The following PKHD1L1 variants were observed in gnomAD, a reference collection of about 807,000 sequenced individuals.
The protein encoded by PKHD1L1 is fibrocystin-L.
PKHD1L1 carries 434 observed loss-of-function variants against 462.9 expected under a neutral mutation model. The observed-to-expected ratio is 0.94, with a 90% CI of 0.87 to 1.02. PKHD1L1 has a LOEUF of 1.02. PKHD1L1 is among the 50% of genes least tolerant of loss of function. The probability of loss-of-function intolerance (pLI) is 0.00; values close to 1 mark genes in which losing one functional copy is unlikely to be tolerated. For synonymous variants in PKHD1L1, 1,781 were observed against 1,750.0 expected, an observed-to-expected ratio of 1.02 and a Z score of -0.44; for missense variants, 5,202 against 5,096.1, an observed-to-expected ratio of 1.02 and a Z score of -0.63.
At chr8:109,417,423 T>G (rs1814236388) in intron 21 of PKHD1L1, among the ~76,000 whole-genome samples, 1 of 152,200 alleles carries the variant, frequency 6.6e-6, no homozygotes, top group South Asian at 2.1e-4. Context: ...TTGATGGAGT[T>G]CATGGATTTT....
chr8:109,380,291 G>C (rs762876427), intron 2 of PKHD1L1, among the ~76,000 whole-genome samples: 28 of 151,898 alleles, frequency 1.8e-4, no homozygotes, highest in Non-Finnish European at 3.5e-4. Context: ...GATGGATTGT[G>C]CTTAATATGT....
intron 15 of PKHD1L1, 56 bp from the exon 16 acceptor site, chr8:109,404,938 GC>G (rs1813454595): frequency 8.1e-7 from 1 of 1,232,462 alleles, no homozygotes; most frequent in African/African-American, 1.5e-5. Flanking sequence ...GAATTATGAT[GC>G]TTTTAAGATA....
In PKHD1L1 at chr8:109,523,302, C is replaced by A. The variant is rs775237912; in HGVS notation, c.12400C>A (p.Gln4134Lys). ...RAILKDSNNN[Q>K]VNGLSGNTTI... The stretch of plus-strand genomic sequence containing the variant: ...CATACTCAAGGACTCCAATAATAAC[C>A]AAGTCAATGGCCTTAGTGGAAATAC... Residue 4134 changes from glutamine (Q) to lysine (K), a missense_variant, in exon 76 of 78, where the codon CAA becomes AAA. By Grantham distance (53) the Gln-to-Lys change is moderately conservative (BLOSUM62 1). This residue lies in a region of PKHD1L1 where 698 missense variants were observed against 736.3 expected (regional missense o/e 0.95). Coordinates refer to ENST00000378402, the MANE Select transcript of PKHD1L1 (RefSeq NM_177531.6). 3.3e-5 allele frequency: 53 copies of A among 1,611,424 alleles called. No individual in the cohort carries two copies. The highest frequency in any genetic ancestry group is 4.4e-5 in the Non-Finnish European group (52 of 1,178,482).
At chr8:109,502,951 C>T (rs560760800) in intron 67 of PKHD1L1, among the ~76,000 whole-genome samples, 10 of 152,244 alleles carry the variant, frequency 6.6e-5, no homozygotes, top group South Asian at 4.1e-4. Flanking sequence ...TGGTAATGGA[C>T]GGGAGTACAT....
chr8:109,387,221 C>A (rs1242005640), intron 6 of PKHD1L1, among the ~76,000 whole-genome samples: 1 of 152,084 alleles, frequency 6.6e-6, no homozygotes, highest in African/African-American at 2.4e-5. Context: ...CAAATTCAGA[C>A]CAGGTAGAAA....
intron 52 of PKHD1L1, 89 bp from the exon 53 acceptor site, chr8:109,477,136 A>G: frequency 7.7e-7 from 1 of 1,295,070 alleles, no homozygotes; most frequent in Non-Finnish European, 1.1e-6. Context: ...TTACTACCTA[A>G]AGAACATTTT....
At chr8:109,470,713 G>T in intron 50 of PKHD1L1, 1 of 1,578,282 alleles carries the variant, frequency 6.3e-7, no homozygotes, top group Non-Finnish European at 8.7e-7. Context: ...GGTTCAATTA[G>T]AAGCCTTGTA....
In PKHD1L1 at chr8:109,425,210, A is replaced by C. The variant is rs745498146; in HGVS notation, c.2823A>C (p.Gln941His). 2 of 1,605,838 alleles carry C rather than the reference A, an allele frequency of 1.2e-6. No individual in the cohort carries two copies. The highest frequency in any genetic ancestry group is 1.7e-6 in the Non-Finnish European group (2 of 1,177,320). The change falls in exon 24 of 78, where the codon CAA (glutamine) becomes CAC (histidine). Residue 941 changes from glutamine (Q) to histidine (H), a missense_variant. Coordinates refer to ENST00000378402, the MANE Select transcript of PKHD1L1 (RefSeq NM_177531.6). Reference sequence around the variant, plus strand: ...CTCTAAGTGGCAGCTTTGACATTCAAGCTTATGGACATATTCTTAAAGGTA... The same window carrying C: ...CTCTAAGTGGCAGCTTTGACATTCACGCTTATGGACATATTCTTAAAGGTA... ...SPPLSGSFDI[Q>H]AYGHILKGLP...
At chr8:109,495,237 A>G (rs898858913) in intron 63 of PKHD1L1, among the ~76,000 whole-genome samples, 2 of 152,082 alleles carry the variant, frequency 1.3e-5, no homozygotes, top group African/African-American at 4.8e-5. Flanking sequence ...TTTAGTTCCC[A>G]ACCACTTAAA....
chr8:109,413,607 G>A, intron 21 of PKHD1L1, 62 bp downstream of exon 21: 1 of 1,290,496 alleles, frequency 7.7e-7, no homozygotes, highest in Non-Finnish European at 1.0e-6. Flanking sequence ...ACAAAGATAA[G>A]ACAAATCCAT....
intron 9 of PKHD1L1, among the ~76,000 whole-genome samples, chr8:109,391,593 G>A (rs778626837): frequency 3.3e-5 from 5 of 152,104 alleles, no homozygotes; most frequent in Non-Finnish European, 7.4e-5. Flanking sequence ...TTGAGAAAGC[G>A]AGTTGACAGA....
chr8:109,366,007 AT>A (rs1327552351), intron 2 of PKHD1L1, among the ~76,000 whole-genome samples: 1 of 152,000 alleles, frequency 6.6e-6, no homozygotes, highest in Non-Finnish European at 1.5e-5. Context: ...ACACCCAGCC[AT>A]TTTCTTCTGT....
intron 71 of PKHD1L1, 81 bp downstream of exon 71, chr8:109,511,015 C>T: frequency 6.9e-7 from 1 of 1,450,980 alleles, no homozygotes. Context: ...ACCTCCTCCC[C>T]TGTTCTAACA....
intron 46 of PKHD1L1, 116 bp downstream of exon 46, chr8:109,456,507 A>G (rs1005191023): frequency 1.5e-5 from 16 of 1,051,074 alleles, no homozygotes; most frequent in Admixed American, 3.5e-5. Flanking sequence ...AATCTCTAAT[A>G]AAGAAATATG....
chr8:109,487,686 T>C (rs1480934680), intron 59 of PKHD1L1, among the ~76,000 whole-genome samples: 2 of 151,790 alleles, frequency 1.3e-5, no homozygotes, highest in Non-Finnish European at 1.5e-5. Flanking sequence ...TATGCCTAGG[T>C]GATTTAAAAC....
At chr8:109,435,112 A>G (rs928170840) in intron 28 of PKHD1L1, 78 bp from the exon 29 acceptor site, 1 of 1,448,438 alleles carries the variant, frequency 6.9e-7, no homozygotes, top group Admixed American at 1.9e-5. Flanking sequence ...GGCCAATGTT[A>G]GTATTTGCAA....
rs142901661 is a variant in PKHD1L1 at position 109,431,817 on chromosome 8, G to T, written c.3230-1289G>T. 1.4e-3 allele frequency among the ~76,000 whole-genome samples: 220 copies of T among 152,178 alleles called. 1 individual carries two copies. The highest frequency in any genetic ancestry group is 5.1e-3 in the African/African-American group (213 of 41,522). On this transcript the variant is annotated intron_variant, in intron 27 of 77. Coordinates refer to ENST00000378402, the MANE Select transcript of PKHD1L1 (RefSeq NM_177531.6). ...AACCTCCTATTGCATACGTGTTAGA[G>T]CTTCTTTAGAGTATATACCCAGACG...
At chr8:109,514,491 G>A (rs909690995) in intron 71 of PKHD1L1, among the ~76,000 whole-genome samples, 1 of 152,110 alleles carries the variant, frequency 6.6e-6, no homozygotes, top group African/African-American at 2.4e-5. Context: ...AATTAGAAGA[G>A]AATATTTTAC....
chr8:109,477,418 G>A, intron 53 of PKHD1L1, 22 bp downstream of exon 53: 8 of 1,581,170 alleles, frequency 5.1e-6, no homozygotes, highest in South Asian at 1.1e-5. Context: ...TTTTGTAGTT[G>A]ATACCCTTCA....
Sources: gnomAD v4.1 joint callset for allele counts (sites outside exome capture counted in the v4.1 genomes callset) on GRCh38, gnomAD v4.1.1 for gene constraint, gnomAD v4.1.1 regional missense constraint, MANE v1.5 for transcripts, NCBI Gene and HGNC (gene_info 2026-07-23, HGNC 2026-07-21) for gene names.